PDHA1: variants seen among roughly 807,000 people sequenced by gnomAD.
PDHA1 encodes pyruvate dehydrogenase E1 subunit alpha 1.
A neutral mutation model predicts 33.0 loss-of-function variants in PDHA1; 1 was observed. The observed-to-expected ratio is 0.03, with a 90% CI of 0.01 to 0.14. PDHA1 has a LOEUF of 0.14. PDHA1 is among the 10% of genes least tolerant of loss of function. PDHA1 has a pLI of 1.00. For synonymous variants in PDHA1, 123 were observed against 119.2 expected (o/e 1.03, Z -0.21); for missense variants, 168 against 325.1 (o/e 0.52, Z 3.72).
intron 9 of PDHA1, among the ~76,000 whole-genome samples, chrX:19,358,145 C>T (rs5955758): frequency 0.22 from 23,950 of 110,856 alleles, 4,991 homozygotes; most frequent in African/African-American, 0.66. Context: ...GTGTTCAATC[C>T]GTTGAAATAC....
intron 9 of PDHA1, among the ~76,000 whole-genome samples, chrX:19,358,112 G>A (rs2063217769): frequency 8.9e-6 from 1 of 111,801 alleles, no homozygotes; most frequent in Admixed American, 9.5e-5. Context: ...TCCTCTGTCT[G>A]GTATAGAGCT....
At position 19,355,441 on chromosome X, in the gene PDHA1, T is replaced by C. The variant is rs764871850; in HGVS notation, c.696T>C (p.Ser232=). 8.3e-7 allele frequency: 1 copy of C among 1,210,689 alleles called. No homozygotes were observed. Among genetic ancestry groups the C allele is most frequent in the African/African-American group, 1.7e-5 (1 of 57,515 alleles). The change falls in exon 7 of 11, where the codon TCT becomes TCC. Residue 232 remains serine (S), a synonymous_variant. Coordinates refer to ENST00000422285, the MANE Select transcript of PDHA1 (RefSeq NM_000284.4). ...CENNRYGMGT[S]VERAAASTDY... is the part of the protein sequence containing the mutation. The stretch of plus-strand genomic sequence containing the variant: ...ATAATCGCTATGGAATGGGAACGTC[T>C]GTTGAGAGAGCGGCAGCCAGCACTG...
Position 19,360,757 on chromosome X carries a change from T to G in PDHA1, c.*1104T>G. 1 of 1,207,206 alleles carries G rather than the reference T, an allele frequency of 8.3e-7. No homozygotes were observed. The highest frequency in any genetic ancestry group is 3.0e-5 in the East Asian group (1 of 33,782). ...AGCTTAGCTGATTGGTATCAAGCCTTGTCTTTGGTTTCTGAGGCCTCCTGA... is the reference window on the plus strand; with the variant it reads ...AGCTTAGCTGATTGGTATCAAGCCTGGTCTTTGGTTTCTGAGGCCTCCTGA... On this transcript the variant is annotated 3_prime_UTR_variant, in exon 11 of 11. Coordinates refer to ENST00000422285, the MANE Select transcript of PDHA1 (RefSeq NM_000284.4).
At chrX:19,354,008 G>A (rs1427549952) in intron 5 of PDHA1, among the ~76,000 whole-genome samples, 2 of 111,223 alleles carry the variant, frequency 1.8e-5, no homozygotes, top group African/African-American at 6.6e-5. Context: ...GAGCAGTGGT[G>A]TAATCTCAGC....
intron 9 of PDHA1, 136 bp downstream of exon 9, chrX:19,357,855 A>C: frequency 1.9e-6 from 1 of 534,780 alleles, no homozygotes; most frequent in South Asian, 2.6e-5. Context: ...TTGGGCATCA[A>C]GTTATCTGAA....
At position 19,361,147 on chromosome X, in the gene PDHA1, C is replaced by T. The variant is rs2063281076; in HGVS notation, c.*1494C>T. The T allele has an allele frequency of 6.9e-6, 3 of 432,900 alleles. No individual in the cohort carries two copies. The South Asian group carries it at 1.1e-4, about 16-fold the overall frequency. The allele number at this position is 432,900 out of a possible 1,213,427, so 35.7% of individuals were successfully genotyped here. On this transcript the variant is annotated 3_prime_UTR_variant, in exon 11 of 11. Transcript: ENST00000422285. Reference sequence around the variant, plus strand: ...ATTAATGGCAGGAGATTGGCCAGCTCTTCTCTGTCACATTCCTATTTCTGA... The same window carrying T: ...ATTAATGGCAGGAGATTGGCCAGCTTTTCTCTGTCACATTCCTATTTCTGA...
At chrX:19,354,768 C>T (rs2063184271) in intron 6 of PDHA1, among the ~76,000 whole-genome samples, 185 bp downstream of exon 6, 2 of 112,876 alleles carry the variant, frequency 1.8e-5, no homozygotes, top group African/African-American at 6.4e-5. Flanking sequence ...TCACAAGAGA[C>T]TTACGGGGGC....
chrX:19,355,528 G>A lies in PDHA1; in HGVS notation c.759+24G>A, dbSNP rs759881225. ...GAGTAAGGACACCTGTGGTGGGGCC[G>A]GGGCCAAGGCCAAGGCCAAGGGTAT... is the stretch of plus-strand genomic sequence containing the variant. On this transcript the variant is annotated intron_variant, in intron 7 of 10. Coordinates refer to ENST00000422285, the MANE Select transcript of PDHA1 (RefSeq NM_000284.4). 48 of 1,181,935 alleles carry A rather than the reference G, an allele frequency of 4.1e-5. No homozygotes were observed. The highest frequency in any genetic ancestry group is 4.6e-4 in the Middle Eastern group (2 of 4,304).
At chrX:19,357,555 C>T (rs1354408769) in intron 8 of PDHA1, 97 bp from the exon 9 acceptor site, 12 of 645,409 alleles carry the variant, frequency 1.9e-5, no homozygotes, top group Non-Finnish European at 3.2e-5. Context: ...CTACACTGGA[C>T]GCTTAATAAA....
chrX:19,355,107 A>G (rs1007295213), intron 6 of PDHA1, among the ~76,000 whole-genome samples: 2 of 111,952 alleles, frequency 1.8e-5, no homozygotes, highest in Non-Finnish European at 3.8e-5. Context: ...TACTGCTAGC[A>G]TGGCCCCAAA....
Position 19,360,263 on chromosome X carries a change from A to C in PDHA1, c.*610A>C, listed in dbSNP as rs2063266089. On this transcript the variant is annotated 3_prime_UTR_variant, in exon 11 of 11. Transcript: ENST00000422285. ...ATTCGTATCAGTTTTGTGTTTCTCA[A>C]ATTGAAGTACCATACCAGTTCTGAG... The C allele has an allele frequency of 7.5e-6, 1 of 134,067 alleles. No homozygotes were observed. Among genetic ancestry groups the C allele is most frequent in the African/African-American group, 3.2e-5 (1 of 31,212 alleles). 11.0% of individuals were successfully genotyped at this position (134,067 alleles called of 1,213,427 possible). A position where few individuals can be genotyped will look rare whatever the true frequency, so the allele number is the denominator to read the frequency against.
intron 4 of PDHA1, among the ~76,000 whole-genome samples, chrX:19,351,799 T>TTC (rs1214368658): frequency 2.1e-5 from 2 of 94,447 alleles, no homozygotes; most frequent in African/African-American, 8.3e-5. Flanking sequence ...TTGGTGGTTT[T>TTC]TTTTTTTTTT....
intron 10 of PDHA1, among the ~76,000 whole-genome samples, 160 bp from the exon 11 acceptor site, chrX:19,359,329 G>T (rs2063239788): frequency 1.8e-5 from 2 of 111,795 alleles, no homozygotes; most frequent in Admixed American, 1.9e-4. Context: ...TCATAAAATA[G>T]ATACACCCTA....
Position 19,361,059 on chromosome X carries a change from G to A in PDHA1, c.*1406G>A. The A allele has an allele frequency of 4.8e-6, 2 of 419,584 alleles. No individual in the cohort carries two copies. Among genetic ancestry groups the A allele is most frequent in the Non-Finnish European group, 8.2e-6 (2 of 244,086 alleles). 34.6% of individuals were successfully genotyped at this position (419,584 alleles called of 1,213,427 possible). On this transcript the variant is annotated 3_prime_UTR_variant, in exon 11 of 11. Transcript: ENST00000422285. ...ACAAGAAGGCAGGCTGCAGTTTAAA[G>A]AAGGGGGTGGGTCCAGCGTGCAGGC...
rs2063267651 is a variant in PDHA1, at chrX:19,360,353, G to A, written c.*700G>A. On this transcript the variant is annotated 3_prime_UTR_variant, in exon 11 of 11. Transcript: ENST00000422285. Reference sequence around the variant, plus strand: ...TTGTTTCACCATTCCAGCAAGTGCTGAAGGGTGTACTTTTTTTGAGACAGG... The same window carrying A: ...TTGTTTCACCATTCCAGCAAGTGCTAAAGGGTGTACTTTTTTTGAGACAGG... 6.4e-6 allele frequency: 1 copy of A among 156,190 alleles called. No individual in the cohort carries two copies. The allele number at this position is 156,190 out of a possible 1,213,427, so 12.9% of individuals were successfully genotyped here. A position where few individuals can be genotyped will look rare whatever the true frequency, so the allele number is the denominator to read the frequency against.
intron 8 of PDHA1, among the ~76,000 whole-genome samples, chrX:19,356,989 G>A (rs1401643076): frequency 8.9e-6 from 1 of 112,109 alleles, no homozygotes; most frequent in Non-Finnish European, 1.9e-5. Flanking sequence ...GGTAGCAGAG[G>A]TTGTTGGTGC....
rs41309591 is a variant in PDHA1, at chrX:19,359,075, C to T, written c.1008+51C>T. 6.7e-3 allele frequency: 5,184 copies of T among 774,549 alleles called. 14 individuals are homozygous for T. Among genetic ancestry groups the T allele is most frequent in the Non-Finnish European group, 8.6e-3 (4,302 of 500,407 alleles). 63.8% of individuals were successfully genotyped at this position (774,549 alleles called of 1,213,427 possible). On this transcript the variant is annotated intron_variant, in intron 10 of 10. Transcript: ENST00000422285. Reference sequence around the variant, plus strand: ...TGAAGGTTGGCTTTAAAAGTTGCCACCCCTGGGTGGCCACAGAGTTTGTGT... The same window carrying T: ...TGAAGGTTGGCTTTAAAAGTTGCCATCCCTGGGTGGCCACAGAGTTTGTGT...
rs2063287030 is a variant in PDHA1, at chrX:19,361,482, T to C, written c.*1829T>C. 3 of 1,204,234 alleles carry C rather than the reference T, an allele frequency of 2.5e-6. No individual in the cohort carries two copies. The highest frequency in any genetic ancestry group is 3.4e-6 in the Non-Finnish European group (3 of 889,704). ...AACAACAGCATAAGAATTTCTTTGT[T>C]GTAAATTTACCTTTTCAATTGTCTT... On this transcript the variant is annotated 3_prime_UTR_variant, in exon 11 of 11. Transcript: ENST00000422285.
rs1202924209 is a variant in PDHA1 at position 19,361,673 on chromosome X, T to TCCA, written c.*2021_*2023dup. ...GTAACCAGTTGGATTAATAAATGAT[T>TCCA]CCAGAATGTAAATGTGATGTGAAAA... On this transcript the variant is annotated 3_prime_UTR_variant, in exon 11 of 11. Coordinates refer to ENST00000422285, the MANE Select transcript of PDHA1 (RefSeq NM_000284.4). 5.9e-6 allele frequency: 4 copies of TCCA among 677,417 alleles called. No individual in the cohort carries two copies. The highest frequency in any genetic ancestry group is 9.2e-6 in the Non-Finnish European group (4 of 435,521). 55.8% of individuals were successfully genotyped at this position (677,417 alleles called of 1,213,427 possible).
Sources: allele counts gnomAD v4.1 joint callset (sites outside exome capture counted in the v4.1 genomes callset), GRCh38; gene constraint gnomAD v4.1.1; transcripts MANE v1.5; gene names NCBI Gene and HGNC (gene_info 2026-07-23, HGNC 2026-07-21).